Variants in FRMD3 observed in about 807,000 individuals in gnomAD.
FRMD3 encodes FERM domain-containing protein 3.
In FRMD3, 33 loss-of-function variants were observed where a neutral mutation model predicts 70.2. The observed-to-expected ratio is 0.47, with a 90% CI of 0.36 to 0.63. The LOEUF (loss-of-function observed/expected upper bound fraction) is 0.63, where lower values mean the gene tolerates loss of function less well. Among genes scored for constraint, FRMD3 ranks in the 20% least tolerant of loss-of-function variants. The probability of loss-of-function intolerance (pLI) is 0.00; values close to 1 mark genes in which losing one functional copy is unlikely to be tolerated. For synonymous variants in FRMD3, 279 were observed against 255.9 expected, an observed-to-expected ratio of 1.09 and a Z score of -0.86; for missense variants, 632 against 711.4, an observed-to-expected ratio of 0.89 and a Z score of 1.27.
intron 1 of FRMD3, among the ~76,000 whole-genome samples, chr9:83,495,651 T>C (rs1388731157): frequency 1.3e-5 from 2 of 152,248 alleles, no homozygotes; most frequent in Non-Finnish European, 2.9e-5. Flanking sequence ...GTTCCCTGTC[T>C]GGACATAGTA....
At chr9:83,503,005 T>G (rs1829104436) in intron 1 of FRMD3, among the ~76,000 whole-genome samples, 1 of 152,190 alleles carries the variant, frequency 6.6e-6, no homozygotes, top group Non-Finnish European at 1.5e-5. Context: ...TTTACTTTGG[T>G]AATTACTACA....
intron 1 of FRMD3, among the ~76,000 whole-genome samples, chr9:83,515,576 C>T (rs546876485): frequency 6.6e-6 from 1 of 152,174 alleles, no homozygotes; most frequent in Non-Finnish European, 1.5e-5. Flanking sequence ...CTTCCCCAAC[C>T]TAGCAAGACA....
At chr9:83,332,175 T>C (rs1360230581) in intron 6 of FRMD3, among the ~76,000 whole-genome samples, 1 of 152,200 alleles carries the variant, frequency 6.6e-6, no homozygotes, top group Non-Finnish European at 1.5e-5. Context: ...ATAGAGATGA[T>C]CGATAACTAT....
At chr9:83,311,343 CAGTTA>C (rs969302980) in intron 8 of FRMD3, among the ~76,000 whole-genome samples, 7 of 151,612 alleles carry the variant, frequency 4.6e-5, no homozygotes, top group Non-Finnish European at 7.4e-5. Context: ...AGTTAATAGG[CAGTTA>C]AGTTAACAGA....
chr9:83,565,340 T>C, the FRMD3 span, among the ~76,000 whole-genome samples: 1 of 152,196 alleles, frequency 6.6e-6, no homozygotes, highest in East Asian at 1.9e-4. Context: ...TCTATTGATG[T>C]GGATGCCACT....
chr9:83,350,274 C>G (rs572189155), intron 3 of FRMD3, among the ~76,000 whole-genome samples: 1 of 152,234 alleles, frequency 6.6e-6, no homozygotes, highest in South Asian at 2.1e-4. Flanking sequence ...AGAGATCCTA[C>G]TTTGCAGATT....
At chr9:83,554,865 T>C in the FRMD3 span, among the ~76,000 whole-genome samples, 1 of 152,024 alleles carries the variant, frequency 6.6e-6, no homozygotes, top group South Asian at 2.1e-4. Flanking sequence ...GTCACTTTTC[T>C]GTGGAGCTAC....
At chr9:83,456,380 T>C (rs1462124025) in intron 1 of FRMD3, among the ~76,000 whole-genome samples, 1 of 152,194 alleles carries the variant, frequency 6.6e-6, no homozygotes, top group Non-Finnish European at 1.5e-5. Context: ...CCTGTATACA[T>C]TTCACAATGT....
At chr9:83,343,454 G>C (rs184034950) in intron 4 of FRMD3, among the ~76,000 whole-genome samples, 167 bp from the exon 5 acceptor site, 1 of 152,084 alleles carries the variant, frequency 6.6e-6, no homozygotes, top group African/African-American at 2.4e-5. Context: ...GCTGAGAGGG[G>C]CCCTCTGAAT....
chr9:83,427,653 A>G (rs1039900025), intron 1 of FRMD3, among the ~76,000 whole-genome samples: 1 of 152,090 alleles, frequency 6.6e-6, no homozygotes, highest in Admixed American at 6.5e-5. Flanking sequence ...TTTGACAAAT[A>G]TAAGTATTTA....
chr9:83,312,693 C>A (rs1173730417), intron 7 of FRMD3, among the ~76,000 whole-genome samples: 1 of 152,178 alleles, frequency 6.6e-6, no homozygotes, highest in Non-Finnish European at 1.5e-5. Flanking sequence ...GGCTCTCCGC[C>A]TTGGCTGCAC....
At chr9:83,539,002 G>A (rs1228357435), upstream of FRMD3, among the ~76,000 whole-genome samples, 1 of 152,174 alleles carries the variant, frequency 6.6e-6, no homozygotes, top group East Asian at 1.9e-4. Context: ...ATGCTAGCTA[G>A]GACTCAGTCT....
At chr9:83,417,174 G>A (rs1428776988) in intron 1 of FRMD3, among the ~76,000 whole-genome samples, 1 of 152,100 alleles carries the variant, frequency 6.6e-6, no homozygotes, top group Non-Finnish European at 1.5e-5. Flanking sequence ...CAGCTTTCTT[G>A]ACCACAACCC....
Position 83,335,506 on chromosome 9 carries a change from C to T in FRMD3, c.596+10G>A, listed in dbSNP as rs1211691713. ...TTTATCATTTTCACAAATGTCTACT[C>T]AGTAATTACCTGAGTTCATTTTTAT... On this transcript the variant is annotated intron_variant, in intron 6 of 13. Coordinates refer to ENST00000304195, the MANE Select transcript of FRMD3 (RefSeq NM_174938.6). 2 of 1,607,552 alleles carry T rather than the reference C, an allele frequency of 1.2e-6. No homozygotes were observed. Among genetic ancestry groups the T allele is most frequent in the South Asian group, 2.2e-5 (2 of 90,538 alleles).
intron 12 of FRMD3, among the ~76,000 whole-genome samples, chr9:83,293,647 GC>G (rs1455482090): frequency 1.3e-5 from 2 of 152,166 alleles, no homozygotes; most frequent in African/African-American, 4.8e-5. Flanking sequence ...GGCTCACCAG[GC>G]TGATATCCCA....
intron 1 of FRMD3, among the ~76,000 whole-genome samples, chr9:83,485,267 G>A (rs1017785823): frequency 1.3e-5 from 2 of 152,206 alleles, no homozygotes; most frequent in African/African-American, 4.8e-5. Flanking sequence ...GTAATTTGAT[G>A]TGGAAAATCA....
intron 13 of FRMD3, chr9:83,267,413 C>G: frequency 1.4e-6 from 1 of 727,500 alleles, no homozygotes; most frequent in Non-Finnish European, 1.9e-6. Context: ...CCTTCCGGAC[C>G]AAAACAGAGG....
At chr9:83,411,368 A>G (rs1475248246) in intron 1 of FRMD3, among the ~76,000 whole-genome samples, 1 of 152,242 alleles carries the variant, frequency 6.6e-6, no homozygotes, top group Middle Eastern at 3.2e-3. Flanking sequence ...GTGGAGAGAC[A>G]ATAGCTAGAG....
At chr9:83,495,734 C>A (rs1828929545) in intron 1 of FRMD3, among the ~76,000 whole-genome samples, 1 of 152,130 alleles carries the variant, frequency 6.6e-6, no homozygotes, top group African/African-American at 2.4e-5. Context: ...GGACATAGTA[C>A]TCATGAAAAA....
Sources: gnomAD v4.1 joint callset for allele counts (sites outside exome capture counted in the v4.1 genomes callset) on GRCh38, gnomAD v4.1.1 for gene constraint, MANE v1.5 for transcripts, NCBI Gene and HGNC (gene_info 2026-07-23, HGNC 2026-07-21) for gene names.